Variants in EFR3B observed in about 807,000 individuals in gnomAD.
The protein encoded by EFR3B is protein EFR3 homolog B.
A neutral mutation model predicts 104.7 loss-of-function variants in EFR3B; 64 were observed. The observed-to-expected ratio is 0.61, with a 90% CI of 0.50 to 0.75. The LOEUF (loss-of-function observed/expected upper bound fraction) is 0.75, where lower values mean the gene tolerates loss of function less well. Among genes scored for constraint, EFR3B ranks in the 30% least tolerant of loss-of-function variants. EFR3B has a pLI of 0.00. For missense variants in EFR3B, 750 were observed against 1,078.5 expected, an observed-to-expected ratio of 0.70 and a Z score of 4.27; for synonymous variants, 385 against 417.9, an observed-to-expected ratio of 0.92 and a Z score of 0.96.
chr2:25,132,772 T>C, intron 10 of EFR3B, 131 bp from the exon 11 acceptor site: 1 of 738,870 alleles, frequency 1.4e-6, no homozygotes, highest in Non-Finnish European at 2.3e-6. Flanking sequence ...CGGGCTATCC[T>C]GAATCCCTTT....
At chr2:25,057,449 A>G (rs1388391015) in intron 1 of EFR3B, among the ~76,000 whole-genome samples, 3 of 152,080 alleles carry the variant, frequency 2.0e-5, no homozygotes, top group African/African-American at 4.8e-5. Context: ...TTTTATTCCA[A>G]CGTTATTCTC....
rs1670529329 is a variant in EFR3B, at chr2:25,136,823, G to A, written c.1560+225G>A. Among the ~76,000 whole-genome samples the A allele has an allele frequency of 6.6e-6, 1 of 152,208 alleles. No individual in the cohort carries two copies. The highest frequency in any genetic ancestry group is 2.4e-5 in the African/African-American group (1 of 41,454). On this transcript the variant is annotated intron_variant, in intron 14 of 22. Coordinates refer to ENST00000403714, the MANE Select transcript of EFR3B (RefSeq NM_014971.2). The surrounding 1 kb of genome is among the most constrained non-coding windows in gnomAD (Gnocchi z 4.0). Reference sequence around the variant, plus strand: ...CCCAGCTACTCGGGAGGCTGAGGCAGGAGAATCGCTTGAACCCAGAAGGTG... The same window carrying A: ...CCCAGCTACTCGGGAGGCTGAGGCAAGAGAATCGCTTGAACCCAGAAGGTG...
intron 12 of EFR3B, among the ~76,000 whole-genome samples, chr2:25,134,611 C>T (rs1670471162): frequency 6.6e-6 from 1 of 152,146 alleles, no homozygotes; most frequent in South Asian, 2.1e-4. Context: ...CTAAACAGAA[C>T]TCCCCCGACC....
intron 1 of EFR3B, among the ~76,000 whole-genome samples, chr2:25,064,455 C>G (rs1226095227): frequency 6.6e-6 from 1 of 152,132 alleles, no homozygotes; most frequent in African/African-American, 2.4e-5. Context: ...TTATAGGCTG[C>G]CTGCTGACCA....
rs111923284 is a variant in EFR3B at position 25,062,405 on chromosome 2, G to A, written c.7+20086G>A. ...GTTGTCAAAACTCAAGGTACTGAAT[G>A]CTTAAATGTGTGCATCTTACTGCAT... On this transcript the variant is annotated intron_variant, in intron 1 of 22. Coordinates refer to ENST00000403714, the MANE Select transcript of EFR3B (RefSeq NM_014971.2). Among the ~76,000 whole-genome samples, 63 of 152,338 alleles carry A rather than the reference G, an allele frequency of 4.1e-4. 1 individual carries two copies. Among genetic ancestry groups the A allele is most frequent in the African/African-American group, 1.5e-3 (62 of 41,580 alleles).
At chr2:25,075,137 A>G (rs1164661929) in intron 1 of EFR3B, among the ~76,000 whole-genome samples, 2 of 152,246 alleles carry the variant, frequency 1.3e-5, no homozygotes, top group Non-Finnish European at 2.9e-5. Context: ...AGAATAATCC[A>G]TCCTGGAAAT....
At chr2:25,113,176 T>C (rs1256987350) in intron 4 of EFR3B, among the ~76,000 whole-genome samples, 1 of 152,106 alleles carries the variant, frequency 6.6e-6, no homozygotes. Context: ...ATGTTCGAAA[T>C]CTTCAGTTTT....
intron 16 of EFR3B, 75 bp from the exon 17 acceptor site, chr2:25,141,291 T>C: frequency 1.4e-6 from 2 of 1,474,858 alleles, no homozygotes; most frequent in South Asian, 1.3e-5. Context: ...GAGCCGGGCA[T>C]GGGAGCTCTT....
At position 25,154,178 on chromosome 2, in the gene EFR3B, G is replaced by T; in HGVS notation, c.2349-57G>T. Reference sequence around the variant, plus strand: ...ACCTACTCTGTTTGGTTGCACAAGGGTGGGATCCTAAAATTCTCTTTTCAT... The same window carrying T: ...ACCTACTCTGTTTGGTTGCACAAGGTTGGGATCCTAAAATTCTCTTTTCAT... On this transcript the variant is annotated intron_variant, in intron 22 of 22. Coordinates refer to ENST00000403714, the MANE Select transcript of EFR3B (RefSeq NM_014971.2). This position sits in a 1 kb window ranked among gnomAD's most constrained non-coding sequence, Gnocchi z 4.1. 1.3e-6 allele frequency: 2 copies of T among 1,493,888 alleles called. No individual in the cohort carries two copies. Among genetic ancestry groups the T allele is most frequent in the Non-Finnish European group, 1.8e-6 (2 of 1,095,790 alleles). The allele number at this position is 1,493,888 out of a possible 1,614,324, so 92.5% of individuals were successfully genotyped here. A position where few individuals can be genotyped will look rare whatever the true frequency, so the allele number is the denominator to read the frequency against.
intron 1 of EFR3B, among the ~76,000 whole-genome samples, chr2:25,065,538 T>C (rs1298464107): frequency 6.6e-6 from 1 of 152,068 alleles, no homozygotes; most frequent in African/African-American, 2.4e-5. Context: ...TCATTGAAGC[T>C]GAGATTGCAC....
At chr2:25,062,919 T>A (rs923703215) in intron 1 of EFR3B, among the ~76,000 whole-genome samples, 8 of 119,248 alleles carry the variant, frequency 6.7e-5, no homozygotes, top group African/African-American at 2.4e-4. Flanking sequence ...GAAGGATTGA[T>A]TTTTCTTTTT....
At chr2:25,116,359 C>T (rs979415525) in intron 4 of EFR3B, among the ~76,000 whole-genome samples, 2 of 152,166 alleles carry the variant, frequency 1.3e-5, no homozygotes, top group African/African-American at 4.8e-5. Flanking sequence ...TGCGGTGGCT[C>T]ATGCCTGTAA....
At chr2:25,127,464 A>G (rs2149203510) in intron 5 of EFR3B, among the ~76,000 whole-genome samples, 1 of 152,324 alleles carries the variant, frequency 6.6e-6, no homozygotes, top group Admixed American at 6.5e-5. Context: ...TAACAAAGAT[A>G]ACAGTGGTAG....
intron 21 of EFR3B, 92 bp from the exon 22 acceptor site, chr2:25,153,620 C>A: frequency 7.7e-7 from 1 of 1,301,940 alleles, no homozygotes. Flanking sequence ...CTGCCCTGTA[C>A]CTCCAGCGTA....
rs1474991664 is a variant in EFR3B at position 25,103,620 on chromosome 2, T to C, written c.213-17T>C. The stretch of plus-strand genomic sequence containing the variant: ...GGCAGGGGCGCGGCCAGTGACGGCA[T>C]GTGCTGCCCTCCCCAGGTACGTGTG... On this transcript the variant is annotated splice_polypyrimidine_tract_variant and intron_variant, in intron 3 of 22. Coordinates refer to ENST00000403714, the MANE Select transcript of EFR3B (RefSeq NM_014971.2). 4.5e-6 allele frequency: 7 copies of C among 1,543,924 alleles called. No individual in the cohort carries two copies. Among genetic ancestry groups the C allele is most frequent in the South Asian group, 1.2e-5 (1 of 83,710 alleles).
intron 1 of EFR3B, chr2:25,079,821 A>AAAG (rs34950573): frequency 0.46 from 352,670 of 774,794 alleles, 88,108 homozygotes; most frequent in East Asian, 0.76. Flanking sequence ...CACACACCAA[A>AAAG]AAGAACAATA....
At chr2:25,081,303 G>A (rs557559252) in intron 1 of EFR3B, 7 of 926,908 alleles carry the variant, frequency 7.6e-6, no homozygotes, top group East Asian at 2.4e-5. Context: ...TGAAACCTGC[G>A]CCTTCATCTC....
At chr2:25,066,972 T>C (rs1668352686) in intron 1 of EFR3B, among the ~76,000 whole-genome samples, 1 of 152,194 alleles carries the variant, frequency 6.6e-6, no homozygotes, top group African/African-American at 2.4e-5. Flanking sequence ...AGTTTTATCC[T>C]GAAGAGAAAA....
chr2:25,103,775 C>G lies in EFR3B; in HGVS notation c.351C>G (p.Leu117=). Residue 117 remains leucine, a synonymous_variant, in exon 4 of 23, where the codon CTC becomes CTG. Coordinates refer to ENST00000403714, the MANE Select transcript of EFR3B (RefSeq NM_014971.2). ...LESEKPNLQI[L]GTNSFVKFAN... ...CAGAGAAACCCAACCTGCAGATCCT[C>G]GGCACCAACTCGGTAAGGAGCGGCC... 6.4e-7 allele frequency: 1 copy of G among 1,551,600 alleles called. No individual in the cohort carries two copies. Among genetic ancestry groups the G allele is most frequent in the Non-Finnish European group, 8.7e-7 (1 of 1,146,942 alleles).
Sources: gnomAD v4.1 joint callset for allele counts (sites outside exome capture counted in the v4.1 genomes callset) on GRCh38, gnomAD v4.1.1 for gene constraint, Gnocchi (gnomAD v3.1) non-coding constraint, MANE v1.5 for transcripts, NCBI Gene and HGNC (gene_info 2026-07-23, HGNC 2026-07-21) for gene names.